Variants in NPAS3 observed in about 807,000 individuals in gnomAD.
NPAS3 encodes the protein neuronal PAS domain protein 3, also known as neuronal PAS domain-containing protein 3.
NPAS3 carries 14 observed loss-of-function variants against 73.1 expected under a neutral mutation model. The observed-to-expected ratio is 0.19, with a 90% CI of 0.13 to 0.30. The LOEUF is 0.30. Among genes scored for constraint, NPAS3 ranks in the 10% least tolerant of loss-of-function variants. The pLI, the probability that NPAS3 is intolerant of heterozygous loss-of-function variation, is 1.00. For missense variants in NPAS3, 1,096 were observed against 1,250.0 expected (o/e 0.88, Z 1.86); for synonymous variants, 620 against 541.5 (o/e 1.14, Z -2.01).
intron 2 of NPAS3, among the ~76,000 whole-genome samples, chr14:33,080,381 C>T (rs1168558389): frequency 6.6e-6 from 1 of 152,206 alleles, no homozygotes; most frequent in African/African-American, 2.4e-5. Context: ...GCTGGGATTA[C>T]AGGCGTGAGC....
intron 5 of NPAS3, among the ~76,000 whole-genome samples, chr14:33,652,965 G>A (rs2059042068): frequency 6.6e-6 from 1 of 152,208 alleles, no homozygotes; most frequent in South Asian, 2.1e-4. Flanking sequence ...GGATCAAGAT[G>A]GGTGTGAAAA....
intron 1 of NPAS3, among the ~76,000 whole-genome samples, chr14:33,020,849 C>T (rs1260375111): frequency 6.6e-6 from 1 of 152,116 alleles, no homozygotes; most frequent in Non-Finnish European, 1.5e-5. Context: ...CAACCCCCGC[C>T]TCCCGGGTTC....
In NPAS3 at chr14:33,308,892, T is replaced by A. The variant is rs1352633517; in HGVS notation, c.386-58294T>A. 9.9e-5 allele frequency among the ~76,000 whole-genome samples: 15 copies of A among 152,226 alleles called. No individual in the cohort carries two copies. In the East Asian group the frequency reaches 1.5e-3, roughly 16 times the overall value. On this transcript the variant is annotated intron_variant, in intron 3 of 11. Coordinates refer to ENST00000356141, the Ensembl canonical transcript of NPAS3. Reference sequence around the variant, plus strand: ...CTAAGGATAGCATTCTAGGAAAAAGTTTTTATTATATATAGCTGGCACTTT... The same window carrying A: ...CTAAGGATAGCATTCTAGGAAAAAGATTTTATTATATATAGCTGGCACTTT...
intron 4 of NPAS3, among the ~76,000 whole-genome samples, chr14:33,376,894 T>C (rs2046337543): frequency 6.6e-6 from 1 of 152,196 alleles, no homozygotes; most frequent in African/African-American, 2.4e-5. Flanking sequence ...GAACTTGACA[T>C]GTAGAACACA....
intron 4 of NPAS3, among the ~76,000 whole-genome samples, chr14:33,388,268 T>C (rs1288212444): frequency 6.6e-6 from 1 of 152,144 alleles, no homozygotes; most frequent in Non-Finnish European, 1.5e-5. Context: ...CATGGAGCTA[T>C]TAACAAGTAA....
chr14:33,424,649 C>T (rs1018662603), intron 4 of NPAS3, among the ~76,000 whole-genome samples: 19 of 151,500 alleles, frequency 1.3e-4, no homozygotes, highest in Non-Finnish European at 2.5e-4. Context: ...GAGTGATAGA[C>T]GATGCCCACA....
intron 4 of NPAS3, among the ~76,000 whole-genome samples, chr14:33,529,473 G>T (rs896986979): frequency 1.3e-5 from 2 of 152,016 alleles, no homozygotes; most frequent in Admixed American, 6.6e-5. Flanking sequence ...ATTAAGTAGG[G>T]CAGACTGAAT....
At chr14:33,123,078 AAAC>A (rs2043290664) in intron 2 of NPAS3, among the ~76,000 whole-genome samples, 1 of 149,792 alleles carries the variant, frequency 6.7e-6, no homozygotes, top group African/African-American at 2.4e-5. Context: ...TATACCTTTT[AAAC>A]AACATTTTAT....
chr14:33,235,772 G>A lies in NPAS3; in HGVS notation c.385+20346G>A, dbSNP rs976633268. On this transcript the variant is annotated intron_variant, in intron 3 of 11. Transcript: ENST00000356141. The stretch of plus-strand genomic sequence containing the variant: ...TCTTTTGAGTGCAAGTACATCTTGC[G>A]TACAAAAGACTAAAAGTTCTGTTGA... 7.8e-5 allele frequency among the ~76,000 whole-genome samples: 11 copies of A among 140,944 alleles called. No homozygotes were observed. In the South Asian group the frequency reaches 1.2e-3, roughly 15 times the overall value. The allele number at this position is 140,944 out of a possible 152,430, so 92.5% of individuals were successfully genotyped here.
At chr14:33,247,203 A>T (rs1384614742) in intron 3 of NPAS3, among the ~76,000 whole-genome samples, 2 of 151,976 alleles carry the variant, frequency 1.3e-5, no homozygotes, top group Non-Finnish European at 2.9e-5. Context: ...CCCCATTATT[A>T]CCTGTGTTAA....
At chr14:33,139,954 C>G (rs2043984343) in intron 2 of NPAS3, among the ~76,000 whole-genome samples, 1 of 135,476 alleles carries the variant, frequency 7.4e-6, no homozygotes, top group Admixed American at 7.2e-5. Context: ...TTTTTTTTTT[C>G]AAGAGAAAGA....
At chr14:33,785,043 C>T (rs1279766964) in intron 9 of NPAS3, among the ~76,000 whole-genome samples, 1 of 151,802 alleles carries the variant, frequency 6.6e-6, no homozygotes, top group Non-Finnish European at 1.5e-5. Context: ...AGCCACTGCG[C>T]CCAGCCTAGT....
chr14:32,985,553 T>C (rs2038062665), intron 1 of NPAS3, among the ~76,000 whole-genome samples: 1 of 152,218 alleles, frequency 6.6e-6, no homozygotes, highest in South Asian at 2.1e-4. Flanking sequence ...ATTTAGCTCC[T>C]TTTGGAATTT....
chr14:33,609,513 A>C (rs185632756), intron 5 of NPAS3, among the ~76,000 whole-genome samples: 1 of 151,470 alleles, frequency 6.6e-6, no homozygotes, highest in Admixed American at 6.6e-5. Flanking sequence ...TAATTCATAA[A>C]GGTAACCAGA....
intron 5 of NPAS3, among the ~76,000 whole-genome samples, chr14:33,565,652 G>A (rs935159513): frequency 6.6e-6 from 1 of 151,938 alleles, no homozygotes; most frequent in Admixed American, 6.6e-5. Context: ...AGCTTTCCTT[G>A]TAAGTTATTA....
At chr14:33,321,533 T>C (rs764963098) in intron 3 of NPAS3, among the ~76,000 whole-genome samples, 3 of 151,958 alleles carry the variant, frequency 2.0e-5, no homozygotes, top group African/African-American at 7.2e-5. Flanking sequence ...GTAGGCATAA[T>C]AACACAGCAG....
Position 33,026,815 on chromosome 14 carries a change from T to A in NPAS3, c.51-29090T>A, listed in dbSNP as rs374262045. Among the ~76,000 whole-genome samples, 58 of 152,328 alleles carry A rather than the reference T, an allele frequency of 3.8e-4. 1 individual carries two copies. In the South Asian group the frequency reaches 0.012, roughly 30 times the overall value. ...ATTGCTTTTGTTAATTAACATTTCA[T>A]GTAAATAACAACAGATTTGGTTTCT... On this transcript the variant is annotated intron_variant, in intron 1 of 11. Coordinates refer to ENST00000356141, the Ensembl canonical transcript of NPAS3.
intron 3 of NPAS3, among the ~76,000 whole-genome samples, chr14:33,321,029 C>A (rs1201561779): frequency 6.6e-6 from 1 of 152,062 alleles, no homozygotes; most frequent in Non-Finnish European, 1.5e-5. Flanking sequence ...TGCAAAGCAC[C>A]ACACTAAGAT....
At chr14:33,471,200 G>A (rs552079343) in intron 4 of NPAS3, among the ~76,000 whole-genome samples, 22 of 152,288 alleles carry the variant, frequency 1.4e-4, no homozygotes, top group Admixed American at 2.6e-4. Context: ...AAAGTCTGTC[G>A]TCTGGATAGA....
Sources: gnomAD v4.1 joint callset for allele counts (sites outside exome capture counted in the v4.1 genomes callset) on GRCh38, gnomAD v4.1.1 for gene constraint, MANE v1.5 for transcripts, NCBI Gene and HGNC (gene_info 2026-07-23, HGNC 2026-07-21) for gene names.